The following PARD3 variants were observed in gnomAD, a reference collection of about 807,000 sequenced individuals.
PARD3 encodes the protein par-3 family cell polarity regulator, also known as partitioning defective 3 homolog.
A neutral mutation model predicts 155.4 loss-of-function variants in PARD3; 75 were observed. The observed-to-expected ratio is 0.48, with a 90% confidence interval of 0.40 to 0.58. The LOEUF (loss-of-function observed/expected upper bound fraction) is 0.58. PARD3 is among the 20% of genes least tolerant of loss of function. The pLI, the probability that PARD3 is intolerant of heterozygous loss-of-function variation, is 0.00. For synonymous variants in PARD3, 576 were observed against 610.5 expected, an observed-to-expected ratio of 0.94 and a Z score of 0.83; for missense variants, 1,642 against 1,721.7, an observed-to-expected ratio of 0.95 and a Z score of 0.82.
In PARD3 at chr10:34,190,495, C is replaced by G. The variant is rs1042309877; in HGVS notation, c.3420-58912G>C. Among the ~76,000 whole-genome samples, 55 of 152,020 alleles carry G rather than the reference C, an allele frequency of 3.6e-4. 1 individual carries two copies. Among genetic ancestry groups the G allele is most frequent in the Non-Finnish European group, 5.9e-5 (4 of 68,002 alleles). ...TTTACATTTCAGTGGGAAATATCAA[C>G]AGATATTTACCCAAATAATAAACTA... is the stretch of plus-strand genomic sequence containing the variant. On this transcript the variant is annotated intron_variant, in intron 22 of 24. Transcript: ENST00000374788.
At chr10:34,539,394 C>A (rs540607465) in intron 2 of PARD3, among the ~76,000 whole-genome samples, 2 of 152,156 alleles carry the variant, frequency 1.3e-5, no homozygotes, top group East Asian at 1.9e-4. Context: ...CTCAGCCAGG[C>A]GCAGTGGCTC....
chr10:34,188,516 C>T (rs779170044), intron 22 of PARD3, among the ~76,000 whole-genome samples: 1 of 152,046 alleles, frequency 6.6e-6, no homozygotes, highest in Non-Finnish European at 1.5e-5. Flanking sequence ...CCCAGGATAC[C>T]CACCAGCCAA....
chr10:34,580,591 A>G (rs748282908), intron 2 of PARD3, among the ~76,000 whole-genome samples: 6 of 152,212 alleles, frequency 3.9e-5, no homozygotes, highest in Non-Finnish European at 5.9e-5. Context: ...GCATTTTAAT[A>G]TGTTTACAGA....
At position 34,815,035 on chromosome 10, in the gene PARD3, C is replaced by A. The variant is rs1428301237; in HGVS notation, c.-40G>T. On this transcript the variant is annotated 5_prime_UTR_variant, in exon 1 of 25. Transcript: ENST00000374788. ...GGGCGGGCCCGCGCCCCTCGCCGAG[C>A]GCAGCCGGAGCAGCCGAGGCCGGGA... 1 of 1,351,820 alleles carries A rather than the reference C, an allele frequency of 7.4e-7. No individual in the cohort carries two copies. The highest frequency in any genetic ancestry group is 9.6e-7 in the Non-Finnish European group (1 of 1,045,410). The allele number at this position is 1,351,820 out of a possible 1,614,324, so 83.7% of individuals were successfully genotyped here.
intron 3 of PARD3, among the ~76,000 whole-genome samples, chr10:34,491,192 CAG>C (rs1482791371): frequency 6.6e-6 from 1 of 152,124 alleles, no homozygotes; most frequent in Non-Finnish European, 1.5e-5. Flanking sequence ...TTCATGGAGT[CAG>C]TGGTCACAGG....
At chr10:34,353,633 TA>T (rs1236395511) in intron 14 of PARD3, among the ~76,000 whole-genome samples, 4 of 152,050 alleles carry the variant, frequency 2.6e-5, no homozygotes, top group African/African-American at 9.7e-5. Context: ...TTCACATGTT[TA>T]TCTGCTGACC....
chr10:34,720,087 CT>C (rs2094579727), intron 1 of PARD3, among the ~76,000 whole-genome samples: 2 of 152,336 alleles, frequency 1.3e-5, no homozygotes, highest in South Asian at 4.1e-4. Context: ...CAATTTCCCC[CT>C]GAAGTAAATA....
intron 22 of PARD3, among the ~76,000 whole-genome samples, chr10:34,225,349 C>CTT (rs572767003): frequency 2.3e-4 from 32 of 141,942 alleles, no homozygotes; most frequent in African/African-American, 8.0e-4. Context: ...TTTTTTTTCT[C>CTT]TTTTTTTTTT....
chr10:34,347,714 C>T (rs1837577380), intron 15 of PARD3, among the ~76,000 whole-genome samples: 1 of 152,138 alleles, frequency 6.6e-6, no homozygotes, highest in African/African-American at 2.4e-5. Context: ...CATATGATCC[C>T]TTTCTTTTTG....
chr10:34,403,030 A>G (rs1306952821), intron 5 of PARD3, among the ~76,000 whole-genome samples: 1 of 152,212 alleles, frequency 6.6e-6, no homozygotes, highest in Non-Finnish European at 1.5e-5. Context: ...AGAGATCCTC[A>G]GATTCTCCAA....
At chr10:34,331,399 C>A in intron 18 of PARD3, 55 bp from the exon 19 acceptor site, 1 of 1,149,694 alleles carries the variant, frequency 8.7e-7, no homozygotes, top group Non-Finnish European at 1.3e-6. Flanking sequence ...AATTATGTAC[C>A]TGAATATGCA....
At position 34,631,967 on chromosome 10, in the gene PARD3, C is replaced by T. The variant is rs367866373; in HGVS notation, c.222+64351G>A. 1.1e-4 allele frequency among the ~76,000 whole-genome samples: 16 copies of T among 152,222 alleles called. 1 individual carries two copies. The East Asian group carries it at 2.1e-3, about 20-fold the overall frequency. ...CAAAGTTGTCCATTTTTAGGTCTCT[C>T]GTATTGATGTTTAATTAGAAATATT... On this transcript the variant is annotated intron_variant, in intron 2 of 24. Coordinates refer to ENST00000374788, the MANE Select transcript of PARD3 (RefSeq NM_001184785.2).
chr10:34,206,495 G>C (rs1440637605), intron 22 of PARD3, among the ~76,000 whole-genome samples: 1 of 152,148 alleles, frequency 6.6e-6, no homozygotes, highest in African/African-American at 2.4e-5. Context: ...GCCCGGGAAG[G>C]TTCTTGGCTT....
At chr10:34,461,668 C>A (rs11009795) in intron 4 of PARD3, among the ~76,000 whole-genome samples, 1 of 151,868 alleles carries the variant, frequency 6.6e-6, no homozygotes, top group African/African-American at 2.4e-5. Flanking sequence ...AATATTTTTT[C>A]AATGTATATA....
chr10:34,391,414 C>T (rs1194196414), intron 7 of PARD3, among the ~76,000 whole-genome samples: 1 of 152,094 alleles, frequency 6.6e-6, no homozygotes, highest in African/African-American at 2.4e-5. Flanking sequence ...TTTTTTCCCA[C>T]AGAGCTCGGT....
chr10:34,742,717 C>A (rs1159767617), intron 1 of PARD3, among the ~76,000 whole-genome samples: 1 of 152,170 alleles, frequency 6.6e-6, no homozygotes, highest in African/African-American at 2.4e-5. Flanking sequence ...GGGAGTAAAA[C>A]GTCAAAAAGA....
intron 1 of PARD3, among the ~76,000 whole-genome samples, chr10:34,788,046 A>T (rs1841198421): frequency 6.6e-6 from 1 of 151,684 alleles, no homozygotes; most frequent in Non-Finnish European, 1.5e-5. Context: ...GGCCTCCGAA[A>T]GTGTTGGGAC....
intron 3 of PARD3, among the ~76,000 whole-genome samples, chr10:34,502,179 G>C (rs1472685063): frequency 6.6e-6 from 1 of 152,208 alleles, no homozygotes; most frequent in Non-Finnish European, 1.5e-5. Context: ...AATGGACTTA[G>C]ACAGTGGGCT....
intron 20 of PARD3, among the ~76,000 whole-genome samples, chr10:34,296,284 T>C (rs183330622): frequency 3.3e-5 from 5 of 152,268 alleles, no homozygotes; most frequent in Admixed American, 6.5e-5. Context: ...CAGGCTGGAG[T>C]GCAGTGGTGC....
Sources: gnomAD v4.1 joint callset for allele counts (sites outside exome capture counted in the v4.1 genomes callset) on GRCh38, gnomAD v4.1.1 for gene constraint, MANE v1.5 for transcripts, NCBI Gene and HGNC (gene_info 2026-07-23, HGNC 2026-07-21) for gene names.